TXNDC16: variants seen among roughly 807,000 people sequenced by gnomAD.
TXNDC16 encodes the protein thioredoxin domain containing 16.
In TXNDC16, 74 loss-of-function variants were observed where a neutral mutation model predicts 85.6. The observed-to-expected ratio is 0.86, with a 90% confidence interval of 0.72 to 1.05. The LOEUF (loss-of-function observed/expected upper bound fraction) is 1.05, where lower values mean the gene tolerates loss of function less well. Ranked by LOEUF, TXNDC16 falls within the 50% of genes least tolerant of loss-of-function variation. The probability of loss-of-function intolerance (pLI) is 0.00; values close to 1 mark genes in which losing one functional copy is unlikely to be tolerated. For synonymous variants in TXNDC16, 335 were observed against 326.5 expected (o/e 1.03, Z -0.28); for missense variants, 959 against 947.0 (o/e 1.01, Z -0.17).
At chr14:52,488,908 T>C (rs1356192439) in intron 11 of TXNDC16, among the ~76,000 whole-genome samples, 1 of 150,588 alleles carries the variant, frequency 6.6e-6, no homozygotes, top group Admixed American at 6.6e-5. Context: ...AATTCTAAAA[T>C]TTAGCAAAAT....
chr14:52,495,216 T>C (rs2036503058), intron 9 of TXNDC16, among the ~76,000 whole-genome samples: 1 of 152,220 alleles, frequency 6.6e-6, no homozygotes, highest in Non-Finnish European at 1.5e-5. Context: ...AGGCTGAAGA[T>C]TCTACTTTAC....
chr14:52,514,937 T>C lies in TXNDC16; in HGVS notation c.548A>G (p.Tyr183Cys), dbSNP rs779851242. 2.0e-5 allele frequency: 33 copies of C among 1,612,876 alleles called. No homozygotes were observed. Among genetic ancestry groups the C allele is most frequent in the Non-Finnish European group, 2.8e-5 (33 of 1,179,150 alleles). The change falls in exon 8 of 21, where the codon TAT becomes TGT. Residue 183 changes from tyrosine (Y) to cysteine (C), a missense_variant. By Grantham distance (194) the Tyr-to-Cys change is radical. Coordinates refer to ENST00000281741, the MANE Select transcript of TXNDC16 (RefSeq NM_020784.3). ...TAAGACAAATTGGTATGTAGTCCCA[T>C]ACACAAAAGCGGCTTCCATGACTGC... ...HRAVMEAAFV[Y>C]GTTYQFVLTT...
chr14:52,509,310 G>C, intron 9 of TXNDC16, among the ~76,000 whole-genome samples: 1 of 152,066 alleles, frequency 6.6e-6, no homozygotes, highest in Middle Eastern at 3.2e-3. Flanking sequence ...AAAATCCTGA[G>C]AATTCTTAAT....
At chr14:52,469,123 G>A (rs1183991285) in intron 16 of TXNDC16, among the ~76,000 whole-genome samples, 1 of 151,768 alleles carries the variant, frequency 6.6e-6, no homozygotes, top group Non-Finnish European at 1.5e-5. Flanking sequence ...AAGATGGGTG[G>A]ATCACTTGAG....
Position 52,506,320 on chromosome 14 carries a change from C to G in TXNDC16, c.756+4920G>C, listed in dbSNP as rs529216989. 2.0e-5 allele frequency among the ~76,000 whole-genome samples: 3 copies of G among 152,102 alleles called. 1 individual carries two copies. The highest frequency in any genetic ancestry group is 7.2e-5 in the African/African-American group (3 of 41,400). On this transcript the variant is annotated intron_variant, in intron 9 of 20. Transcript: ENST00000281741. ...CCCTGATGAACATTGATGCAAAAAT[C>G]CTCAATAAAATACTGGCAAACCAAA...
At chr14:52,541,692 A>G (rs1187333796) in intron 4 of TXNDC16, among the ~76,000 whole-genome samples, 1 of 152,254 alleles carries the variant, frequency 6.6e-6, no homozygotes, top group East Asian at 1.9e-4. Flanking sequence ...AAAGTCAGGT[A>G]GACATTAACC....
At chr14:52,538,346 CAAT>C (rs1429935268) in intron 4 of TXNDC16, among the ~76,000 whole-genome samples, 3 of 152,024 alleles carry the variant, frequency 2.0e-5, no homozygotes, top group Non-Finnish European at 4.4e-5. Context: ...TGAACTAAGT[CAAT>C]GATGATGTCA....
chr14:52,491,321 A>G (rs1594724067), intron 9 of TXNDC16, among the ~76,000 whole-genome samples: 1 of 141,694 alleles, frequency 7.1e-6, no homozygotes, highest in African/African-American at 2.6e-5. Context: ...AGCTGAGACC[A>G]CAGGTGCACA....
intron 14 of TXNDC16, among the ~76,000 whole-genome samples, chr14:52,472,936 T>G (rs1421468383): frequency 6.6e-6 from 1 of 152,196 alleles, no homozygotes; most frequent in Non-Finnish European, 1.5e-5. Flanking sequence ...CTGTCTTCCC[T>G]TCTCTGCCAG....
At chr14:52,518,892 C>T (rs931859958) in intron 7 of TXNDC16, among the ~76,000 whole-genome samples, 1 of 151,986 alleles carries the variant, frequency 6.6e-6, no homozygotes, top group Non-Finnish European at 1.5e-5. Context: ...CAGGTAGGCA[C>T]AATTTATTTT....
rs1566582158 is a variant in TXNDC16 at position 52,530,324 on chromosome 14, T to TATAATAATATAA, written c.392+6394_392+6395insTTATATTATTAT. Among the ~76,000 whole-genome samples, 38 of 51,220 alleles carry TATAATAATATAA rather than the reference T, an allele frequency of 7.4e-4. 4 individuals carry two copies. The East Asian group carries it at 0.029, about 39-fold the overall frequency. 33.6% of individuals were successfully genotyped at this position (51,220 alleles called of 152,430 possible). ...ATATTAATATATAATATATAATTATTTTTATATTATATATAATTATATATT... is the reference window on the plus strand; with the variant it reads ...ATATTAATATATAATATATAATTATTATAATAATATAATTTATATTATATATAATTATATATT... On this transcript the variant is annotated intron_variant, in intron 6 of 20. Transcript: ENST00000281741.
intron 6 of TXNDC16, among the ~76,000 whole-genome samples, chr14:52,536,408 T>C (rs2037701705): frequency 6.6e-6 from 1 of 152,218 alleles, no homozygotes; most frequent in South Asian, 2.1e-4. Flanking sequence ...TCTACTGTAT[T>C]TTGTTATAGC....
intron 12 of TXNDC16, among the ~76,000 whole-genome samples, chr14:52,485,244 G>T (rs1383770850): frequency 6.6e-6 from 1 of 152,112 alleles, no homozygotes; most frequent in Non-Finnish European, 1.5e-5. Context: ...AGTTTAAAAC[G>T]TAAAACATAA....
intron 9 of TXNDC16, among the ~76,000 whole-genome samples, chr14:52,492,488 A>G (rs2036430680): frequency 6.6e-6 from 1 of 152,138 alleles, no homozygotes; most frequent in African/African-American, 2.4e-5. Flanking sequence ...TGTCTCCCAG[A>G]CAAGACTCAA....
At chr14:52,502,335 T>C (rs1479939511) in intron 9 of TXNDC16, among the ~76,000 whole-genome samples, 2 of 152,256 alleles carry the variant, frequency 1.3e-5, no homozygotes, top group Non-Finnish European at 2.9e-5. Context: ...AGACTTTGAT[T>C]AACAATTTAA....
At chr14:52,517,747 T>C (rs976307070) in intron 7 of TXNDC16, among the ~76,000 whole-genome samples, 6 of 152,138 alleles carry the variant, frequency 3.9e-5, no homozygotes, top group African/African-American at 1.4e-4. Context: ...TCCTACCACA[T>C]CTTTCTCGTT....
intron 6 of TXNDC16, among the ~76,000 whole-genome samples, chr14:52,535,264 AC>A (rs1297919050): frequency 1.3e-5 from 2 of 151,962 alleles, no homozygotes; most frequent in African/African-American, 4.8e-5. Flanking sequence ...CAAGATAGCT[AC>A]CCCTCTGTCC....
chr14:52,532,827 T>TG (rs2037614694), intron 6 of TXNDC16, among the ~76,000 whole-genome samples: 2 of 152,056 alleles, frequency 1.3e-5, no homozygotes. Context: ...TTCAAACTGA[T>TG]GGTTTTAGCA....
chr14:52,538,529 G>C (rs902679665), intron 4 of TXNDC16, among the ~76,000 whole-genome samples: 1 of 152,114 alleles, frequency 6.6e-6, no homozygotes, highest in Non-Finnish European at 1.5e-5. Flanking sequence ...ACTTGGATGA[G>C]AAGTAAAGCC....
Sources: allele counts gnomAD v4.1 joint callset (sites outside exome capture counted in the v4.1 genomes callset), GRCh38; gene constraint gnomAD v4.1.1; transcripts MANE v1.5; gene names NCBI Gene and HGNC (gene_info 2026-07-23, HGNC 2026-07-21).